The following CPNE4 variants were observed in gnomAD, a reference collection of about 807,000 sequenced individuals.
CPNE4 encodes copine 4, also known as copine-4.
Under a neutral mutation model 67.9 loss-of-function variants are expected in CPNE4, and 25 were observed. The observed-to-expected ratio is 0.37, with a 90% CI of 0.27 to 0.51. The LOEUF (loss-of-function observed/expected upper bound fraction) is 0.51, where lower values mean the gene tolerates loss of function less well. CPNE4 is among the 20% of genes least tolerant of loss of function. The pLI is 0.93. For synonymous variants in CPNE4, 242 were observed against 244.9 expected (o/e 0.99, Z 0.11); for missense variants, 464 against 690.8 (o/e 0.67, Z 3.68).
At chr3:131,781,930 C>T (rs1457497385) in intron 2 of CPNE4, among the ~76,000 whole-genome samples, 1 of 152,080 alleles carries the variant, frequency 6.6e-6, no homozygotes, top group Non-Finnish European at 1.5e-5. Flanking sequence ...ATTGCCACCT[C>T]TAAGTGTCTA....
chr3:131,546,638 T>A (rs1935854695), intron 14 of CPNE4, among the ~76,000 whole-genome samples: 1 of 152,192 alleles, frequency 6.6e-6, no homozygotes, highest in Non-Finnish European at 1.5e-5. Context: ...TAATGACCTG[T>A]CCTTTCATTG....
intron 5 of CPNE4, among the ~76,000 whole-genome samples, chr3:131,695,877 T>C (rs1425669385): frequency 6.6e-6 from 1 of 152,256 alleles, no homozygotes; most frequent in Non-Finnish European, 1.5e-5. Flanking sequence ...ATATCACTTA[T>C]CACATTCTAT....
intron 1 of CPNE4, among the ~76,000 whole-genome samples, chr3:132,028,772 T>C (rs2074173168): frequency 6.6e-6 from 1 of 152,162 alleles, no homozygotes; most frequent in Admixed American, 6.5e-5. Flanking sequence ...GTGGCAAATC[T>C]GAATTAAAAT....
chr3:131,636,328 T>C (rs1347146193), intron 7 of CPNE4, among the ~76,000 whole-genome samples: 3 of 152,226 alleles, frequency 2.0e-5, no homozygotes, highest in Non-Finnish European at 2.9e-5. Flanking sequence ...GCCTTTAGGA[T>C]TGCAGGCTCC....
chr3:131,536,512 A>G (rs1009844702), intron 15 of CPNE4, among the ~76,000 whole-genome samples: 1 of 152,248 alleles, frequency 6.6e-6, no homozygotes, highest in Admixed American at 6.5e-5. Context: ...ACTGAATACC[A>G]TGTGACCTGG....
chr3:131,942,628 C>T (rs550414023), intron 1 of CPNE4, among the ~76,000 whole-genome samples: 14 of 152,172 alleles, frequency 9.2e-5, no homozygotes, highest in African/African-American at 2.9e-4. Flanking sequence ...CCTGATGAAT[C>T]TGCCACAGCT....
chr3:131,712,253 T>C (rs2081576635), intron 3 of CPNE4, among the ~76,000 whole-genome samples: 1 of 152,242 alleles, frequency 6.6e-6, no homozygotes, highest in Non-Finnish European at 1.5e-5. Flanking sequence ...GTGATATAGT[T>C]TCCTTTTAGA....
At chr3:131,809,733 C>T (rs1330491620) in intron 2 of CPNE4, among the ~76,000 whole-genome samples, 1 of 152,050 alleles carries the variant, frequency 6.6e-6, no homozygotes, top group African/African-American at 2.4e-5. Context: ...AAGGTAATAT[C>T]ACCTGATAGG....
At chr3:131,697,970 T>G (rs6779669) in intron 4 of CPNE4, among the ~76,000 whole-genome samples, 22 of 151,974 alleles carry the variant, frequency 1.4e-4, no homozygotes, top group African/African-American at 4.4e-4. Context: ...CAGTGGCTCA[T>G]GCCTGTAATC....
At chr3:131,647,925 C>T (rs995753199) in intron 7 of CPNE4, among the ~76,000 whole-genome samples, 2 of 152,194 alleles carry the variant, frequency 1.3e-5, no homozygotes, top group African/African-American at 2.4e-5. Flanking sequence ...GTCTGAACCA[C>T]AGTAGCACTC....
intron 2 of CPNE4, among the ~76,000 whole-genome samples, chr3:131,858,292 G>A (rs2107660442): frequency 6.6e-6 from 1 of 152,170 alleles, no homozygotes; most frequent in Non-Finnish European, 1.5e-5. Context: ...ATCCATTAAT[G>A]AAAATAGTTG....
intron 1 of CPNE4, among the ~76,000 whole-genome samples, chr3:132,006,840 A>G (rs1266273162): frequency 6.6e-6 from 1 of 152,170 alleles, no homozygotes; most frequent in Non-Finnish European, 1.5e-5. Context: ...AATTAACTAG[A>G]TGTGAGAAGA....
At chr3:131,744,841 A>C (rs1412622198) in intron 2 of CPNE4, among the ~76,000 whole-genome samples, 1 of 152,180 alleles carries the variant, frequency 6.6e-6, no homozygotes, top group Admixed American at 6.5e-5. Flanking sequence ...TCACTTGTTG[A>C]AGAACATCTG....
rs572235476 is a variant in CPNE4 at position 131,922,983 on chromosome 3, G to T, written c.-1-17539C>A. 7.3e-4 allele frequency among the ~76,000 whole-genome samples: 111 copies of T among 152,216 alleles called. 1 individual carries two copies. The highest frequency in any genetic ancestry group is 2.6e-3 in the African/African-American group (106 of 41,550). On this transcript the variant is annotated intron_variant, in intron 1 of 15. Coordinates refer to ENST00000429747, the MANE Select transcript of CPNE4 (RefSeq NM_130808.3). ...ATAGATCAAGACTGTAAATTAAAAT[G>T]GTTCATGTTAAAAGTTGTTTGTATA... is the stretch of plus-strand genomic sequence containing the variant.
At chr3:131,951,415 T>A (rs967669840) in intron 1 of CPNE4, among the ~76,000 whole-genome samples, 1 of 152,236 alleles carries the variant, frequency 6.6e-6, no homozygotes, top group Non-Finnish European at 1.5e-5. Flanking sequence ...TTTTCTCATA[T>A]AGATGTGGCA....
chr3:131,869,880 T>C (rs1037084002), intron 2 of CPNE4, among the ~76,000 whole-genome samples: 1 of 152,188 alleles, frequency 6.6e-6, no homozygotes, highest in Non-Finnish European at 1.5e-5. Flanking sequence ...CATAATACAA[T>C]AGGCCTTTCT....
intron 1 of CPNE4, among the ~76,000 whole-genome samples, chr3:131,986,424 A>G (rs2073042664): frequency 6.6e-6 from 1 of 152,234 alleles, no homozygotes; most frequent in South Asian, 2.1e-4. Context: ...GGATGATGAG[A>G]GCAACAACCT....
At chr3:131,542,232 A>G (rs1047722886) in intron 15 of CPNE4, among the ~76,000 whole-genome samples, 2 of 152,170 alleles carry the variant, frequency 1.3e-5, no homozygotes, top group Admixed American at 1.3e-4. Context: ...TCCTAGATGC[A>G]CTAGAGATCC....
intron 2 of CPNE4, among the ~76,000 whole-genome samples, chr3:131,797,804 G>A (rs1476482320): frequency 6.6e-6 from 1 of 151,982 alleles, no homozygotes; most frequent in Non-Finnish European, 1.5e-5. Context: ...GCTGTGTAGA[G>A]GCCTGTCTAC....
Sources: gnomAD v4.1 joint callset for allele counts (sites outside exome capture counted in the v4.1 genomes callset) on GRCh38, gnomAD v4.1.1 for gene constraint, MANE v1.5 for transcripts, NCBI Gene and HGNC (gene_info 2026-07-23, HGNC 2026-07-21) for gene names.